The following SDK1 variants were observed in gnomAD, a reference collection of about 807,000 sequenced individuals.
SDK1 encodes the protein sidekick cell adhesion molecule 1, also known as protein sidekick-1.
In SDK1, 157 loss-of-function variants were observed where a neutral mutation model predicts 245.5. The ratio of observed to expected loss-of-function variants is 0.64; its 90% confidence interval spans 0.56 to 0.73. The LOEUF (loss-of-function observed/expected upper bound fraction) is 0.73. Ranked by LOEUF, SDK1 falls within the 30% of genes least tolerant of loss-of-function variation. The probability of loss-of-function intolerance (pLI) is 0.00; values close to 1 mark genes in which losing one functional copy is unlikely to be tolerated. For missense variants in SDK1, 3,583 were observed against 3,002.3 expected, an observed-to-expected ratio of 1.19 and a Z score of -4.52; for synonymous variants, 1,647 against 1,278.5, an observed-to-expected ratio of 1.29 and a Z score of -6.15.
chr7:3,519,073 C>T (rs1782843298), intron 1 of SDK1, among the ~76,000 whole-genome samples: 1 of 151,982 alleles, frequency 6.6e-6, no homozygotes, highest in South Asian at 2.1e-4. Flanking sequence ...CATATGTTCT[C>T]ATATGCAGAA....
At chr7:3,592,171 C>T (rs902392437) in intron 1 of SDK1, among the ~76,000 whole-genome samples, 2 of 152,194 alleles carry the variant, frequency 1.3e-5, no homozygotes, top group African/African-American at 4.8e-5. Flanking sequence ...CCTGCTGATA[C>T]TTTATTTCTT....
At chr7:3,443,887 G>A (rs966774670) in intron 1 of SDK1, among the ~76,000 whole-genome samples, 12 of 152,300 alleles carry the variant, frequency 7.9e-5, no homozygotes, top group Non-Finnish European at 1.5e-4. Context: ...CTAAACCACA[G>A]CAGAACATGA....
At chr7:4,107,823 T>C (rs761880247) in intron 22 of SDK1, among the ~76,000 whole-genome samples, 1 of 152,222 alleles carries the variant, frequency 6.6e-6, no homozygotes, top group Non-Finnish European at 1.5e-5. Flanking sequence ...CTTCCCTCTG[T>C]GCTGTGGTGC....
intron 5 of SDK1, among the ~76,000 whole-genome samples, chr7:3,837,235 C>G (rs1348304795): frequency 6.6e-6 from 1 of 152,166 alleles, no homozygotes; most frequent in Non-Finnish European, 1.5e-5. Flanking sequence ...GATCAGAAGA[C>G]CCGACTAGAC....
At chr7:3,799,411 C>T (rs1332761455) in intron 4 of SDK1, among the ~76,000 whole-genome samples, 3 of 151,330 alleles carry the variant, frequency 2.0e-5, no homozygotes, top group Admixed American at 6.6e-5. Flanking sequence ...TATGTTAGAC[C>T]CTGTTTATCC....
At chr7:3,471,603 T>C (rs181987988) in intron 1 of SDK1, among the ~76,000 whole-genome samples, 1 of 152,320 alleles carries the variant, frequency 6.6e-6, no homozygotes, top group East Asian at 1.9e-4. Flanking sequence ...ATGTTTTCAG[T>C]TTGGCTCAGA....
intron 4 of SDK1, among the ~76,000 whole-genome samples, chr7:3,798,006 A>ACATCTTACATGACCCTAGTCCATT: frequency 6.6e-6 from 1 of 152,110 alleles, no homozygotes; most frequent in East Asian, 1.9e-4. Context: ...TGTAATGTTA[A>ACATCTTACATGACCCTAGTCCATT]CATCTTACAT....
In SDK1 at chr7:4,200,876, T is replaced by C. The variant is rs555273551; in HGVS notation, c.5099-5003T>C. 4.1e-4 allele frequency among the ~76,000 whole-genome samples: 62 copies of C among 152,376 alleles called. 2 individuals are homozygous for C. Among genetic ancestry groups the C allele is most frequent in the African/African-American group, 1.5e-3 (61 of 41,596 alleles). On this transcript the variant is annotated intron_variant, in intron 35 of 44. Transcript: ENST00000404826. The stretch of plus-strand genomic sequence containing the variant: ...CCAAATCCAGCCCATTACCTGTTCT[T>C]GTAAATAAAGTTTTATTGGAACATT...
intron 4 of SDK1, among the ~76,000 whole-genome samples, chr7:3,809,830 C>T (rs1036662651): frequency 3.9e-5 from 6 of 152,144 alleles, no homozygotes; most frequent in African/African-American, 7.2e-5. Flanking sequence ...CTGAGTGCCT[C>T]GTTCCGCAGA....
intron 25 of SDK1, among the ~76,000 whole-genome samples, chr7:4,126,680 A>G (rs1317504012): frequency 1.3e-5 from 2 of 152,234 alleles, no homozygotes; most frequent in Non-Finnish European, 2.9e-5. Context: ...AGATCGCACC[A>G]CTGCTCTCCA....
intron 4 of SDK1, among the ~76,000 whole-genome samples, chr7:3,718,835 G>T (rs933983342): frequency 6.6e-6 from 1 of 152,044 alleles, no homozygotes; most frequent in African/African-American, 2.4e-5. Context: ...GAATAAAAGT[G>T]TTCTTATTTG....
chr7:4,092,723 C>G (rs1781887794), intron 22 of SDK1, among the ~76,000 whole-genome samples: 1 of 152,140 alleles, frequency 6.6e-6, no homozygotes, highest in African/African-American at 2.4e-5. Flanking sequence ...TCAGAGAGGT[C>G]TGCTGGGGCG....
rs1366927544 is a variant in SDK1 at position 4,030,817 on chromosome 7, A to G, written c.2602+13465A>G. On this transcript the variant is annotated intron_variant, in intron 17 of 44. Coordinates refer to ENST00000404826, the MANE Select transcript of SDK1 (RefSeq NM_152744.4). The stretch of plus-strand genomic sequence containing the variant: ...CTTATATTTAAAGCTTTGGCCCAGG[A>G]ACTGTCTCCTCCGTAGGGCCTCCTT... 2.6e-5 allele frequency among the ~76,000 whole-genome samples: 4 copies of G among 152,222 alleles called. No individual in the cohort carries two copies. In the East Asian group the frequency reaches 7.7e-4, roughly 29 times the overall value.
intron 4 of SDK1, among the ~76,000 whole-genome samples, chr7:3,814,705 G>C (rs1779465239): frequency 6.6e-6 from 1 of 151,748 alleles, no homozygotes; most frequent in African/African-American, 2.4e-5. Context: ...ACCTTGGGCA[G>C]TATGGCCATT....
intron 35 of SDK1, among the ~76,000 whole-genome samples, chr7:4,185,387 G>T (rs918214277): frequency 6.6e-6 from 1 of 152,136 alleles, no homozygotes; most frequent in Non-Finnish European, 1.5e-5. Flanking sequence ...TTCATGGATG[G>T]GCCCTGGTCT....
At chr7:3,763,682 A>G (rs1276142522) in intron 4 of SDK1, among the ~76,000 whole-genome samples, 1 of 152,220 alleles carries the variant, frequency 6.6e-6, no homozygotes, top group Non-Finnish European at 1.5e-5. Flanking sequence ...TTCACATGAG[A>G]TTCATAGATG....
rs954262492 is a variant in SDK1, at chr7:3,677,255, C to T, written c.713+35150C>T. Reference sequence around the variant, plus strand: ...GTGTACACTATTTTTATTTAACATACGATAAGCATCTTTGGCCCTGGATTC... The same window carrying T: ...GTGTACACTATTTTTATTTAACATATGATAAGCATCTTTGGCCCTGGATTC... On this transcript the variant is annotated intron_variant, in intron 4 of 44. Coordinates refer to ENST00000404826, the MANE Select transcript of SDK1 (RefSeq NM_152744.4). 2.6e-5 allele frequency among the ~76,000 whole-genome samples: 4 copies of T among 151,940 alleles called. No homozygotes were observed. The East Asian group carries it at 5.8e-4, about 22-fold the overall frequency.
At chr7:3,704,709 T>G (rs1180786800) in intron 4 of SDK1, among the ~76,000 whole-genome samples, 2 of 152,164 alleles carry the variant, frequency 1.3e-5, no homozygotes, top group East Asian at 3.8e-4. Context: ...TCCCATTTAT[T>G]TATTTTCATT....
intron 5 of SDK1, among the ~76,000 whole-genome samples, chr7:3,944,844 G>A (rs1780511255): frequency 6.6e-6 from 1 of 152,210 alleles, no homozygotes; most frequent in Non-Finnish European, 1.5e-5. Flanking sequence ...CTCAGAGGGA[G>A]GCATCACAAC....
Sources: gnomAD v4.1 joint callset for allele counts (sites outside exome capture counted in the v4.1 genomes callset) on GRCh38, gnomAD v4.1.1 for gene constraint, MANE v1.5 for transcripts, NCBI Gene and HGNC (gene_info 2026-07-23, HGNC 2026-07-21) for gene names.